Variants in SUSD6 observed in about 807,000 individuals in gnomAD.
SUSD6 encodes the protein sushi domain containing 6.
A neutral mutation model predicts 28.4 loss-of-function variants in SUSD6; 16 were observed. The observed-to-expected ratio is 0.56, with a 90% CI of 0.38 to 0.86. The LOEUF is 0.86. SUSD6 is among the 40% of genes least tolerant of loss of function. The pLI, the probability that SUSD6 is intolerant of heterozygous loss-of-function variation, is 0.00. For missense variants in SUSD6, 341 were observed against 384.2 expected (o/e 0.89, Z 0.94); for synonymous variants, 147 against 159.6 (o/e 0.92, Z 0.59).
chr14:69,701,856 AG>A (rs1354362641), intron 2 of SUSD6, among the ~76,000 whole-genome samples: 1 of 152,162 alleles, frequency 6.6e-6, no homozygotes, highest in African/African-American at 2.4e-5. Context: ...GAAAAGAAAA[AG>A]TGCCTTTTCT....
rs1594725997 is a variant in SUSD6, at chr14:69,708,971, G to A, written c.753G>A (p.Met251Ile). Residue 251 changes from methionine to isoleucine, a missense_variant, in exon 5 of 6, where the codon ATG becomes ATA. By Grantham distance (10) the Met-to-Ile change is conservative (BLOSUM62 1). Transcript: ENST00000342745. Reference sequence around the variant, plus strand: ...GCTCTCGGGCCTCAGAGACTGTGATGGTGCATCAGGCAACCACCTCTTCCT... The same window carrying A: ...GCTCTCGGGCCTCAGAGACTGTGATAGTGCATCAGGCAACCACCTCTTCCT... ...AWGSRASETV[M>I]VHQATTSSWV... 1 of 1,614,174 alleles carries A rather than the reference G, an allele frequency of 6.2e-7. No homozygotes were observed. Among genetic ancestry groups the A allele is most frequent in the South Asian group, 1.1e-5 (1 of 91,084 alleles).
At chr14:69,638,827 T>C (rs1427301151) in intron 1 of SUSD6, among the ~76,000 whole-genome samples, 1 of 152,196 alleles carries the variant, frequency 6.6e-6, no homozygotes, top group African/African-American at 2.4e-5. Flanking sequence ...TTGCGTAATT[T>C]AAACCCAAGG....
Position 69,658,642 on chromosome 14 carries a change from C to T in SUSD6, c.50C>T (p.Ala17Val). ...APKSTSVFAV[A>V]SVGHGVFLPL... ...AAGAGCACCTCAGTGTTTGCCGTGG[C>T]CTCCGTGGGACATGGAGTGTTCCTT... The change falls in exon 2 of 6, where the codon GCC becomes GTC. Residue 17 changes from alanine (A) to valine (V), a missense_variant. Coordinates refer to ENST00000342745, the MANE Select transcript of SUSD6 (RefSeq NM_014734.4). 1.2e-6 allele frequency: 2 copies of T among 1,614,074 alleles called. No individual in the cohort carries two copies. Among genetic ancestry groups the T allele is most frequent in the Non-Finnish European group, 1.7e-6 (2 of 1,179,934 alleles).
rs1885017780 is a variant in SUSD6, at chr14:69,620,221, T to C, written c.-81+8393T>C. Among the ~76,000 whole-genome samples, 3 of 152,344 alleles carry C rather than the reference T, an allele frequency of 2.0e-5. No homozygotes were observed. In the South Asian group the frequency reaches 6.2e-4, roughly 32 times the overall value. On this transcript the variant is annotated intron_variant, in intron 1 of 5. Transcript: ENST00000342745. Reference sequence around the variant, plus strand: ...TCTGTCCTGTGGGAATTTTGCTTGTTACACAGCAGAATAGCAAGAAAAACA... The same window carrying C: ...TCTGTCCTGTGGGAATTTTGCTTGTCACACAGCAGAATAGCAAGAAAAACA...
chr14:69,636,139 T>C (rs1389535977), intron 1 of SUSD6, among the ~76,000 whole-genome samples: 1 of 152,230 alleles, frequency 6.6e-6, no homozygotes, highest in Non-Finnish European at 1.5e-5. Context: ...TCTATTTAGA[T>C]TCTGTAGAGG....
intron 2 of SUSD6, among the ~76,000 whole-genome samples, chr14:69,662,035 C>G (rs1186837297): frequency 6.6e-6 from 1 of 152,200 alleles, no homozygotes; most frequent in African/African-American, 2.4e-5. Flanking sequence ...CCTCTCCCCT[C>G]TACCTTCCAA....
At chr14:69,675,050 C>T (rs1445273627) in intron 2 of SUSD6, among the ~76,000 whole-genome samples, 1 of 152,074 alleles carries the variant, frequency 6.6e-6, no homozygotes, top group Admixed American at 6.6e-5. Context: ...CCCCCCACCC[C>T]TCTGCTTTAA....
chr14:69,676,493 C>T (rs997798301), intron 2 of SUSD6, among the ~76,000 whole-genome samples: 1 of 151,996 alleles, frequency 6.6e-6, no homozygotes, highest in African/African-American at 2.4e-5. Context: ...AGTCTTCCCA[C>T]CTCAGCCTTC....
intron 1 of SUSD6, among the ~76,000 whole-genome samples, chr14:69,655,885 A>G: frequency 6.6e-6 from 1 of 151,860 alleles, no homozygotes. Flanking sequence ...GTCCCCTCAC[A>G]CCCCACCAAA....
intron 1 of SUSD6, among the ~76,000 whole-genome samples, chr14:69,634,495 G>A (rs1885236015): frequency 6.6e-6 from 1 of 152,198 alleles, no homozygotes; most frequent in South Asian, 2.1e-4. Context: ...AGGGCTTTAA[G>A]CATCATGCTA....
At chr14:69,666,874 G>A (rs1885750226) in intron 2 of SUSD6, among the ~76,000 whole-genome samples, 3 of 152,106 alleles carry the variant, frequency 2.0e-5, no homozygotes, top group Admixed American at 1.3e-4. Flanking sequence ...TGGGGAGGGG[G>A]CACAAAATGT....
In SUSD6 at chr14:69,640,277, A is replaced by G. The variant is rs150423575; in HGVS notation, c.-80-18236A>G. ...AGTAACTATCATTCACTTACTCCTT[A>G]AGAGAATTCTTCCATTCTGAAAAAA... On this transcript the variant is annotated intron_variant, in intron 1 of 5. Transcript: ENST00000342745. 5.5e-3 allele frequency among the ~76,000 whole-genome samples: 836 copies of G among 151,908 alleles called. 3 individuals are homozygous for G. Among genetic ancestry groups the G allele is most frequent in the Non-Finnish European group, 8.9e-3 (602 of 67,962 alleles).
chr14:69,674,157 G>A (rs1221878069), intron 2 of SUSD6, among the ~76,000 whole-genome samples: 1 of 152,178 alleles, frequency 6.6e-6, no homozygotes, highest in Non-Finnish European at 1.5e-5. Context: ...CAGAGAGAAT[G>A]ACTGCATCAC....
intron 2 of SUSD6, among the ~76,000 whole-genome samples, chr14:69,701,530 G>A (rs1471195523): frequency 1.3e-5 from 2 of 152,238 alleles, no homozygotes; most frequent in Non-Finnish European, 2.9e-5. Flanking sequence ...GAGGGAAAGT[G>A]TAAAGGCTAA....
intron 2 of SUSD6, among the ~76,000 whole-genome samples, chr14:69,679,658 A>G (rs551920363): frequency 7.9e-5 from 12 of 151,896 alleles, no homozygotes; most frequent in South Asian, 4.1e-4. Context: ...TCTTCTTTCA[A>G]TGTGGCCCAG....
At chr14:69,674,514 A>G (rs1052929575) in intron 2 of SUSD6, among the ~76,000 whole-genome samples, 1 of 152,072 alleles carries the variant, frequency 6.6e-6, no homozygotes, top group Non-Finnish European at 1.5e-5. Flanking sequence ...ACACAAGACA[A>G]TCATAAAACA....
intron 1 of SUSD6, among the ~76,000 whole-genome samples, chr14:69,638,176 G>T (rs1025807397): frequency 6.6e-6 from 1 of 152,154 alleles, no homozygotes; most frequent in African/African-American, 2.4e-5. Context: ...TGCAAATGAT[G>T]AATCTCTTTC....
chr14:69,640,600 G>C (rs1885338061), intron 1 of SUSD6, among the ~76,000 whole-genome samples: 1 of 152,110 alleles, frequency 6.6e-6, no homozygotes, highest in African/African-American at 2.4e-5. Context: ...GCCTCCCAAA[G>C]CACTGGGATT....
Position 69,704,728 on chromosome 14 carries a change from T to G in SUSD6, c.444T>G (p.Ser148=), listed in dbSNP as rs141578421. ...TGCTGCTGCAGCCAAAGCTGAAGTC[T>G]TTCCATCATAGCAGGTGAGTCCAGT... ...LFVLLQPKLK[S]FHHSRRDQGV... The change falls in exon 4 of 6, where the codon TCT becomes TCG. Residue 148 remains serine (S), a synonymous_variant. Transcript: ENST00000342745. The G allele has an allele frequency of 1.8e-5, 29 of 1,614,046 alleles. No individual in the cohort carries two copies. The African/African-American group carries it at 3.7e-4, about 21-fold the overall frequency.
Sources: allele counts gnomAD v4.1 joint callset (sites outside exome capture counted in the v4.1 genomes callset), GRCh38; gene constraint gnomAD v4.1.1; transcripts MANE v1.5; gene names NCBI Gene and HGNC (gene_info 2026-07-23, HGNC 2026-07-21).